The following CDH4 variants were observed in gnomAD, a reference collection of about 807,000 sequenced individuals.
CDH4 encodes the protein cadherin 4, also known as cadherin-4.
A neutral mutation model predicts 86.0 loss-of-function variants in CDH4; 33 were observed. The ratio of observed to expected loss-of-function variants is 0.38; its 90% CI spans 0.29 to 0.51. The LOEUF is 0.51. Among genes scored for constraint, CDH4 ranks in the 20% least tolerant of loss-of-function variants. CDH4 has a pLI of 0.86. For missense variants in CDH4, 1,114 were observed against 1,307.4 expected (o/e 0.85, Z 2.28); for synonymous variants, 555 against 549.4 (o/e 1.01, Z -0.14).
intron 2 of CDH4, among the ~76,000 whole-genome samples, chr20:61,608,435 C>T (rs1037323365): frequency 8.5e-5 from 13 of 152,208 alleles, no homozygotes; most frequent in African/African-American, 2.2e-4. Context: ...GACCCCAGCA[C>T]GTGTCCAGCA....
intron 6 of CDH4, among the ~76,000 whole-genome samples, chr20:61,859,858 TC>T (rs1983236356): frequency 1.3e-5 from 2 of 152,380 alleles, no homozygotes; most frequent in South Asian, 4.1e-4. Context: ...TTCACCTGTG[TC>T]CCTCCACCAG....
chr20:61,923,558 G>C lies in CDH4; in HGVS notation c.1482G>C (p.Val494=), dbSNP rs929788937. The C allele has an allele frequency of 6.2e-7, 1 of 1,614,092 alleles. No homozygotes were observed. The change falls in exon 10 of 16, where the codon GTG becomes GTC. Residue 494 remains valine, a synonymous_variant. Transcript: ENST00000614565. ...IQMSFQSTAG[V]TISIMDINEA... is the part of the protein sequence containing the mutation. The stretch of plus-strand genomic sequence containing the variant: ...TGTCCTTCCAGTCCACGGCAGGGGT[G>C]ACCATCTCCATCATGGACATCAACG...
At chr20:61,547,025 G>A (rs1428325576) in intron 2 of CDH4, among the ~76,000 whole-genome samples, 2 of 151,950 alleles carry the variant, frequency 1.3e-5, no homozygotes, top group African/African-American at 2.4e-5. Flanking sequence ...GGTGACTTAG[G>A]AAACTGACAG....
chr20:61,932,397 C>T (rs2055121177), intron 13 of CDH4, among the ~76,000 whole-genome samples: 1 of 152,240 alleles, frequency 6.6e-6, no homozygotes, highest in South Asian at 2.1e-4. Flanking sequence ...CTTGGAAACT[C>T]ATGCACACGC....
chr20:61,269,961 C>T lies in CDH4; in HGVS notation c.169+15024C>T, dbSNP rs541024773. Among the ~76,000 whole-genome samples, 3 of 152,188 alleles carry T rather than the reference C, an allele frequency of 2.0e-5. No individual in the cohort carries two copies. The highest frequency in any genetic ancestry group is 4.4e-5 in the Non-Finnish European group (3 of 68,042). Reference sequence around the variant, plus strand: ...TCTGGCCCCCAGATGTGGAGAGGGCCGGCCGACCTTTGCGGCAGTCATTTT... The same window carrying T: ...TCTGGCCCCCAGATGTGGAGAGGGCTGGCCGACCTTTGCGGCAGTCATTTT... On this transcript the variant is annotated intron_variant, in intron 2 of 15. Transcript: ENST00000614565. The surrounding 1 kb of genome is among the most constrained non-coding windows in gnomAD (Gnocchi z 5.3).
In CDH4 at chr20:61,938,134, A is replaced by ATGCC. The variant is rs2055218355; in HGVS notation, c.*1193_*1196dup. 1 of 152,200 alleles carries ATGCC rather than the reference A, an allele frequency of 6.6e-6. No individual in the cohort carries two copies. Among genetic ancestry groups the ATGCC allele is most frequent in the South Asian group, 2.1e-4 (1 of 4,832 alleles). The allele number at this position is 152,200 out of a possible 1,614,324, so 9.4% of individuals were successfully genotyped here. On this transcript the variant is annotated 3_prime_UTR_variant, in exon 16 of 16. Transcript: ENST00000614565. ...CTTGCCGTGCCTACCTGTCGCACAG[A>ATGCC]TGCCTCTGCACGCTGCAGACGGTGC...
chr20:61,290,507 A>G (rs1221676358), intron 2 of CDH4, among the ~76,000 whole-genome samples: 2 of 152,198 alleles, frequency 1.3e-5, no homozygotes, highest in African/African-American at 4.8e-5. Flanking sequence ...CCCATATCCA[A>G]TGAGACTTGC....
chr20:61,639,279 A>G (rs2086980340), intron 2 of CDH4, among the ~76,000 whole-genome samples: 1 of 152,156 alleles, frequency 6.6e-6, no homozygotes, highest in Admixed American at 6.5e-5. Context: ...CACCATTCAT[A>G]CAGGGCTTTC....
At position 61,603,258 on chromosome 20, in the gene CDH4, G is replaced by A. The variant is rs543712611; in HGVS notation, c.170-140305G>A. On this transcript the variant is annotated intron_variant, in intron 2 of 15. Transcript: ENST00000614565. ...GGAGACAGATAGGGAAGTCAAGTCC[G>A]TGGAGAGTGTTTGCAGGAATGGTGA... Among the ~76,000 whole-genome samples, 13 of 152,322 alleles carry A rather than the reference G, an allele frequency of 8.5e-5. No individual in the cohort carries two copies. In the South Asian group the frequency reaches 1.0e-3, roughly 12 times the overall value.
chr20:61,792,812 G>A (rs749621852), intron 4 of CDH4, among the ~76,000 whole-genome samples: 1 of 151,814 alleles, frequency 6.6e-6, no homozygotes, highest in Non-Finnish European at 1.5e-5. Flanking sequence ...CACCACACCC[G>A]GCTAATTTTT....
intron 2 of CDH4, among the ~76,000 whole-genome samples, chr20:61,548,568 T>C (rs2145669264): frequency 6.6e-6 from 1 of 152,290 alleles, no homozygotes; most frequent in East Asian, 1.9e-4. Flanking sequence ...TTTGTTGCAT[T>C]TTAGTGGCTT....
rs535139977 is a variant in CDH4 at position 61,877,934 on chromosome 20, G to A, written c.1050+4034G>A. 4.6e-5 allele frequency among the ~76,000 whole-genome samples: 7 copies of A among 152,238 alleles called. No individual in the cohort carries two copies. The East Asian group carries it at 9.7e-4, about 21-fold the overall frequency. On this transcript the variant is annotated intron_variant, in intron 7 of 15. Coordinates refer to ENST00000614565, the MANE Select transcript of CDH4 (RefSeq NM_001794.5). ...GGGAGGACCCCCAGGCAGGGGATGAGGTGTAACCCAAATGAGGCCCGGCCC... is the reference window on the plus strand; with the variant it reads ...GGGAGGACCCCCAGGCAGGGGATGAAGTGTAACCCAAATGAGGCCCGGCCC...
rs10590544 is a variant in CDH4 at position 61,871,039 on chromosome 20, A to ATGTGTGTGTG, written c.878-2671_878-2662dup. Among the ~76,000 whole-genome samples, 629 of 149,858 alleles carry ATGTGTGTGTG rather than the reference A, an allele frequency of 4.2e-3. 1 individual carries two copies. The highest frequency in any genetic ancestry group is 5.6e-3 in the Non-Finnish European group (375 of 67,298). Reference sequence around the variant, plus strand: ...CATTACGTATATGTATATTTATAGGATGTGTGTGTGTGTGTGTGTGTGTGT... The same window carrying ATGTGTGTGTG: ...CATTACGTATATGTATATTTATAGGATGTGTGTGTGTGTGTGTGTGTGTGTGTGTGTGTGT... On this transcript the variant is annotated intron_variant, in intron 6 of 15. Coordinates refer to ENST00000614565, the MANE Select transcript of CDH4 (RefSeq NM_001794.5).
intron 4 of CDH4, among the ~76,000 whole-genome samples, chr20:61,786,165 C>T (rs1255075583): frequency 6.6e-6 from 1 of 152,186 alleles, no homozygotes. Flanking sequence ...ACCCCCCGTT[C>T]AAACAGCGTC....
At chr20:61,528,556 GC>G (rs1213247904) in intron 2 of CDH4, among the ~76,000 whole-genome samples, 2 of 151,770 alleles carry the variant, frequency 1.3e-5, no homozygotes, top group African/African-American at 2.4e-5. Flanking sequence ...GATCACTTAA[GC>G]CCAGGTATCT....
chr20:61,380,463 A>T (rs2084893522), intron 2 of CDH4, among the ~76,000 whole-genome samples: 2 of 151,912 alleles, frequency 1.3e-5, no homozygotes, highest in African/African-American at 4.8e-5. Context: ...GTTTGTGTGA[A>T]CTCTGATAAT....
chr20:61,690,950 C>A lies in CDH4; in HGVS notation c.170-52613C>A, dbSNP rs375767588. ...GGGGGCCACAGCCTTGCAGACCCCC[C>A]GCCCCAGGGCTGAGCCCTCTAGACT... On this transcript the variant is annotated intron_variant, in intron 2 of 15. Coordinates refer to ENST00000614565, the MANE Select transcript of CDH4 (RefSeq NM_001794.5). 2.0e-5 allele frequency among the ~76,000 whole-genome samples: 3 copies of A among 152,152 alleles called. No homozygotes were observed. The South Asian group carries it at 6.2e-4, about 32-fold the overall frequency.
intron 4 of CDH4, among the ~76,000 whole-genome samples, chr20:61,801,820 G>A (rs993439880): frequency 3.3e-5 from 5 of 152,190 alleles, no homozygotes; most frequent in African/African-American, 1.2e-4. Flanking sequence ...CCCTCCATAA[G>A]GACCCTTCAC....
intron 2 of CDH4, among the ~76,000 whole-genome samples, chr20:61,592,499 A>G (rs373117432): frequency 0.015 from 2,231 of 152,298 alleles, 47 homozygotes; most frequent in African/African-American, 0.042. Flanking sequence ...TGGAAAGTAC[A>G]ATTTATGATG....
Sources: gnomAD v4.1 joint callset for allele counts (sites outside exome capture counted in the v4.1 genomes callset) on GRCh38, gnomAD v4.1.1 for gene constraint, Gnocchi (gnomAD v3.1) non-coding constraint, MANE v1.5 for transcripts, NCBI Gene and HGNC (gene_info 2026-07-23, HGNC 2026-07-21) for gene names.